FBXL17: variants seen among roughly 807,000 people sequenced by gnomAD.
The protein encoded by FBXL17 is F-box/LRR-repeat protein 17.
FBXL17 carries 22 observed loss-of-function variants against 66.2 expected under a neutral mutation model. The ratio of observed to expected loss-of-function variants is 0.33; its 90% confidence interval spans 0.24 to 0.47. The LOEUF (loss-of-function observed/expected upper bound fraction) is 0.47. Ranked by LOEUF, FBXL17 falls within the 20% of genes least tolerant of loss-of-function variation. FBXL17 has a pLI of 1.00. For synonymous variants in FBXL17, 474 were observed against 400.5 expected, an observed-to-expected ratio of 1.18 and a Z score of -2.19; for missense variants, 878 against 948.2, an observed-to-expected ratio of 0.93 and a Z score of 0.97.
rs949166241 is a variant in FBXL17 at position 108,381,375 on chromosome 5, G to C, written c.317C>G (p.Ala106Gly). Reference sequence around the variant, plus strand: ...AGCGGCGCAGTCCTCGGCGGCCAGGGCCGCGTAGCGCCGCGCCAGGTGCTG... The same window carrying C: ...AGCGGCGCAGTCCTCGGCGGCCAGGCCCGCGTAGCGCCGCGCCAGGTGCTG... ...SSQHLARRYA[A>G]LAAEDCAAAA... The change falls in exon 1 of 9, where the codon GCC (alanine) becomes GGC (glycine). Residue 106 changes from alanine to glycine, a missense_variant. Transcript: ENST00000542267. 2 of 1,326,682 alleles carry C rather than the reference G, an allele frequency of 1.5e-6. No homozygotes were observed. The highest frequency in any genetic ancestry group is 9.5e-7 in the Non-Finnish European group (1 of 1,047,550). 82.2% of individuals were successfully genotyped at this position (1,326,682 alleles called of 1,614,324 possible).
chr5:108,153,207 G>C (rs1383626019), intron 6 of FBXL17, among the ~76,000 whole-genome samples: 1 of 152,160 alleles, frequency 6.6e-6, no homozygotes, highest in Non-Finnish European at 1.5e-5. Flanking sequence ...TTTATTAGCA[G>C]TGTGAGAACA....
At chr5:108,082,140 C>A (rs1748795983) in intron 6 of FBXL17, among the ~76,000 whole-genome samples, 2 of 151,840 alleles carry the variant, frequency 1.3e-5, no homozygotes, top group African/African-American at 4.8e-5. Flanking sequence ...TGTCTCTGAG[C>A]CAGTTATATA....
At chr5:108,110,435 C>A (rs1313499713) in intron 6 of FBXL17, among the ~76,000 whole-genome samples, 1 of 151,770 alleles carries the variant, frequency 6.6e-6, no homozygotes, top group African/African-American at 2.4e-5. Flanking sequence ...AAACAAAAAA[C>A]CTATGAATTA....
At chr5:108,034,825 A>G (rs977883854) in intron 6 of FBXL17, among the ~76,000 whole-genome samples, 3 of 152,184 alleles carry the variant, frequency 2.0e-5, no homozygotes, top group African/African-American at 4.8e-5. Context: ...ACACTATTCA[A>G]TTATGCCATA....
At chr5:108,056,104 AT>A (rs1747700250) in intron 6 of FBXL17, among the ~76,000 whole-genome samples, 1 of 152,226 alleles carries the variant, frequency 6.6e-6, no homozygotes, top group South Asian at 2.1e-4. Flanking sequence ...AAAGTTATCT[AT>A]CTAGTCAAAA....
intron 3 of FBXL17, among the ~76,000 whole-genome samples, chr5:108,363,252 T>G (rs1748453952): frequency 6.6e-6 from 1 of 151,994 alleles, no homozygotes; most frequent in African/African-American, 2.4e-5. Flanking sequence ...TCATAAAACT[T>G]AATTTCTATT....
chr5:108,189,403 G>GT (rs1294755639), intron 5 of FBXL17, among the ~76,000 whole-genome samples: 6 of 152,008 alleles, frequency 3.9e-5, no homozygotes, highest in African/African-American at 9.6e-5. Flanking sequence ...CAGACTCAGT[G>GT]TTTTTTTGTT....
intron 7 of FBXL17, among the ~76,000 whole-genome samples, chr5:107,910,339 A>C (rs1749908248): frequency 6.6e-6 from 1 of 152,202 alleles, no homozygotes; most frequent in Non-Finnish European, 1.5e-5. Context: ...GACTTCTAGA[A>C]GGCTGACATA....
intron 6 of FBXL17, among the ~76,000 whole-genome samples, chr5:108,142,529 C>T (rs1468848924): frequency 2.0e-5 from 3 of 152,078 alleles, no homozygotes; most frequent in African/African-American, 4.8e-5. Context: ...CACCTCTGCC[C>T]AAAAATGTTG....
chr5:108,137,265 G>A (rs190234310), intron 6 of FBXL17, among the ~76,000 whole-genome samples: 2 of 152,250 alleles, frequency 1.3e-5, no homozygotes, highest in Admixed American at 1.3e-4. Flanking sequence ...TATGGAAATT[G>A]GTTATTTGCA....
chr5:108,327,070 T>C (rs760277124), intron 4 of FBXL17, among the ~76,000 whole-genome samples: 11 of 152,214 alleles, frequency 7.2e-5, no homozygotes, highest in Non-Finnish European at 1.6e-4. Context: ...TGGAAACAAC[T>C]GAAATGTCCA....
At chr5:108,187,008 T>C (rs903183738) in intron 5 of FBXL17, among the ~76,000 whole-genome samples, 3 of 152,176 alleles carry the variant, frequency 2.0e-5, no homozygotes, top group African/African-American at 7.2e-5. Flanking sequence ...AATTCAGAGA[T>C]AGCTTGGTGA....
intron 6 of FBXL17, among the ~76,000 whole-genome samples, chr5:108,100,080 T>C (rs1296249846): frequency 6.6e-6 from 1 of 152,196 alleles, no homozygotes; most frequent in African/African-American, 2.4e-5. Context: ...TCAGGTATCA[T>C]ACTATTTATA....
At chr5:108,330,580 T>C (rs1760074550) in intron 4 of FBXL17, among the ~76,000 whole-genome samples, 1 of 152,154 alleles carries the variant, frequency 6.6e-6, no homozygotes, top group African/African-American at 2.4e-5. Context: ...ATAGATTTCC[T>C]AGAACACTTC....
intron 5 of FBXL17, among the ~76,000 whole-genome samples, chr5:108,188,749 T>G (rs1278790206): frequency 6.6e-6 from 1 of 152,154 alleles, no homozygotes; most frequent in Non-Finnish European, 1.5e-5. Context: ...TAATCAATAC[T>G]AAGCCCAGGG....
intron 5 of FBXL17, among the ~76,000 whole-genome samples, chr5:108,193,120 G>A (rs1753536394): frequency 1.3e-5 from 2 of 152,144 alleles, no homozygotes; most frequent in Admixed American, 6.5e-5. Context: ...GACTTTATTG[G>A]ACCAGGTTTC....
chr5:108,307,518 G>T (rs377418814), intron 4 of FBXL17, among the ~76,000 whole-genome samples: 1 of 151,884 alleles, frequency 6.6e-6, no homozygotes, highest in Non-Finnish European at 1.5e-5. Flanking sequence ...ATATTGCCCT[G>T]GGTAGTCTTG....
chr5:108,168,320 A>G (rs942154485), intron 6 of FBXL17, among the ~76,000 whole-genome samples: 1 of 152,176 alleles, frequency 6.6e-6, no homozygotes, highest in Non-Finnish European at 1.5e-5. Context: ...GGGTGATCTC[A>G]TGGAGAAAAT....
chr5:108,251,488 A>C (rs1163271951), intron 4 of FBXL17, among the ~76,000 whole-genome samples: 1 of 152,056 alleles, frequency 6.6e-6, no homozygotes, highest in Non-Finnish European at 1.5e-5. Flanking sequence ...CAGATGAATC[A>C]AGTAACAGTT....
Sources: gnomAD v4.1 joint callset for allele counts (sites outside exome capture counted in the v4.1 genomes callset) on GRCh38, gnomAD v4.1.1 for gene constraint, MANE v1.5 for transcripts, NCBI Gene and HGNC (gene_info 2026-07-23, HGNC 2026-07-21) for gene names.